Variants in KMT2C observed in about 807,000 individuals in gnomAD.
KMT2C encodes the protein histone-lysine N-methyltransferase 2C.
KMT2C carries 88 observed loss-of-function variants against 507.9 expected under a neutral mutation model. The observed-to-expected ratio is 0.17, with a 90% CI of 0.15 to 0.21. KMT2C has a LOEUF of 0.21. KMT2C is among the 10% of genes least tolerant of loss of function. The probability of loss-of-function intolerance (pLI) is 1.00; values close to 1 mark genes in which losing one functional copy is unlikely to be tolerated. For missense variants in KMT2C, 4,954 were observed against 5,957.8 expected (o/e 0.83, Z 5.55); for synonymous variants, 2,049 against 2,080.8 (o/e 0.98, Z 0.42).
chr7:152,332,863 C>CAA (rs2096896819), intron 2 of KMT2C, among the ~76,000 whole-genome samples: 1 of 148,244 alleles, frequency 6.7e-6, no homozygotes, highest in Admixed American at 6.7e-5. Flanking sequence ...CACACACACA[C>CAA]ACACACACAC....
chr7:152,138,857 G>C lies in KMT2C; in HGVS notation c.14582C>G (p.Thr4861Ser), dbSNP rs763370514. 1 of 1,613,286 alleles carries C rather than the reference G, an allele frequency of 6.2e-7. No homozygotes were observed. The highest frequency in any genetic ancestry group is 1.3e-5 in the African/African-American group (1 of 74,968). The change falls in exon 58 of 59, where the codon ACT (threonine) becomes AGT (serine). Residue 4861 changes from threonine to serine, a missense_variant. Coordinates refer to ENST00000262189, the MANE Select transcript of KMT2C (RefSeq NM_170606.3). The surrounding 1 kb of genome is among the most constrained non-coding windows in gnomAD (Gnocchi z 4.2). ...CAPNCVAEVVTFERGHKIIIS... is the reference protein window; with the variant it reads ...CAPNCVAEVVSFERGHKIIIS... ...GATAATTTTGTGTCCTCTCTCAAAA[G>C]TCACCACTTCAGCCACACAATTAGG...
At chr7:152,277,160 T>A (rs112161379) in intron 6 of KMT2C, among the ~76,000 whole-genome samples, 3 of 151,870 alleles carry the variant, frequency 2.0e-5, no homozygotes, top group Admixed American at 6.6e-5. Context: ...ATCCAGTATT[T>A]ATTCTGTACC....
chr7:152,324,770 G>A (rs1238636467), intron 3 of KMT2C, among the ~76,000 whole-genome samples: 1 of 151,962 alleles, frequency 6.6e-6, no homozygotes, highest in Non-Finnish European at 1.5e-5. Context: ...ACTGAAAGAT[G>A]CCTCACACAC....
intron 7 of KMT2C, among the ~76,000 whole-genome samples, chr7:152,272,548 A>G (rs1489383240): frequency 6.6e-6 from 1 of 152,198 alleles, no homozygotes; most frequent in Admixed American, 6.5e-5. Context: ...CAGTACATAA[A>G]TAGTAGCCGT....
chr7:152,327,681 G>A (rs911002404), intron 3 of KMT2C, among the ~76,000 whole-genome samples: 3 of 152,124 alleles, frequency 2.0e-5, no homozygotes, highest in African/African-American at 7.2e-5. Context: ...ATATTGGGCC[G>A]GGCGCGGTGA....
intron 3 of KMT2C, among the ~76,000 whole-genome samples, chr7:152,318,552 G>A (rs1327486192): frequency 6.8e-6 from 1 of 146,098 alleles, no homozygotes; most frequent in Non-Finnish European, 1.5e-5. Flanking sequence ...GTTTGAACCA[G>A]GGAGGTAGAG....
In KMT2C at chr7:152,251,097, TTC is replaced by T. The variant is rs1588595324; in HGVS notation, c.1622-133_1622-132del. The T allele has an allele frequency of 1.5e-5, 9 of 604,548 alleles. No homozygotes were observed. The Middle Eastern group carries it at 1.7e-3, about 116-fold the overall frequency. 37.4% of individuals were successfully genotyped at this position (604,548 alleles called of 1,614,324 possible). A position where few individuals can be genotyped will look rare whatever the true frequency, so the allele number is the denominator to read the frequency against. ...ATGCTTTAAGTTTTTCTTCAGATTT[TTC>T]TCTGTTGAACCACATGTATATTTAC... is the stretch of plus-strand genomic sequence containing the variant. On this transcript the variant is annotated intron_variant, in intron 11 of 58. Transcript: ENST00000262189.
intron 1 of KMT2C, among the ~76,000 whole-genome samples, chr7:152,381,849 T>A (rs2097377073): frequency 6.6e-6 from 1 of 152,248 alleles, no homozygotes. Flanking sequence ...ATTCTGCCAG[T>A]TCTTTCCAAG....
At chr7:152,401,120 C>G (rs899033665) in intron 1 of KMT2C, among the ~76,000 whole-genome samples, 31 of 144,744 alleles carry the variant, frequency 2.1e-4, no homozygotes, top group Non-Finnish European at 7.5e-5. Flanking sequence ...TTTTTTCACT[C>G]TGTCACCCAG....
At position 152,250,862 on chromosome 7, in the gene KMT2C, C is replaced by A. The variant is rs367686405; in HGVS notation, c.1726G>T (p.Val576Phe). 2.2e-5 allele frequency: 35 copies of A among 1,562,748 alleles called. No individual in the cohort carries two copies. The highest frequency in any genetic ancestry group is 2.9e-5 in the Non-Finnish European group (33 of 1,133,908). The change falls in exon 12 of 59, where the codon GTT becomes TTT. Residue 576 changes from valine (V) to phenylalanine (F), a missense_variant. Physicochemically the swap from Val to Phe is conservative, Grantham distance 50. Coordinates refer to ENST00000262189, the MANE Select transcript of KMT2C (RefSeq NM_170606.3). ...VNGQESTPGI[V>F]PDAVQVHTEE... ...CATTAAACATTCTTACCATCTGGAA[C>A]AATTCCAGGAGTGGACTCCTGACCG... is the stretch of plus-strand genomic sequence containing the variant.
At chr7:152,252,515 A>G (rs1421502239) in intron 10 of KMT2C, 31 bp downstream of exon 10, 23 of 1,581,734 alleles carry the variant, frequency 1.5e-5, no homozygotes, top group Non-Finnish European at 1.8e-5. Flanking sequence ...ACAATCGACA[A>G]AACAACTGAA....
chr7:152,265,812 A>G (rs1445533538), intron 7 of KMT2C, among the ~76,000 whole-genome samples: 1 of 152,062 alleles, frequency 6.6e-6, no homozygotes, highest in Non-Finnish European at 1.5e-5. Context: ...ATTACTTAAT[A>G]TACTAATTAT....
intron 6 of KMT2C, among the ~76,000 whole-genome samples, chr7:152,283,387 G>A (rs867695481): frequency 5.3e-5 from 8 of 152,100 alleles, no homozygotes; most frequent in African/African-American, 1.9e-4. Context: ...CACAGACACA[G>A]TAAGAATCAA....
At chr7:152,167,664 C>CT (rs917169860) in intron 41 of KMT2C, among the ~76,000 whole-genome samples, 13 of 151,390 alleles carry the variant, frequency 8.6e-5, no homozygotes, top group South Asian at 4.2e-4. Context: ...TAATGAAATT[C>CT]TTTTTTTTTA....
rs568794506 is a variant in KMT2C, at chr7:152,364,609, C to CAAAAAAAAAAAAAAA, written c.162-5935_162-5934insTTTTTTTTTTTTTTT. ...GGGTGACAGAGCGAGACTCCGTCTC[C>CAAAAAAAAAAAAAAA]AAAAAAAAAAAGAAAAGAAAAAAAG... On this transcript the variant is annotated intron_variant, in intron 1 of 58. Transcript: ENST00000262189. Among the ~76,000 whole-genome samples the CAAAAAAAAAAAAAAA allele has an allele frequency of 1.2e-3, 111 of 90,714 alleles. 2 individuals are homozygous for CAAAAAAAAAAAAAAA. The highest frequency in any genetic ancestry group is 5.3e-3 in the African/African-American group (108 of 20,470). 59.5% of individuals were successfully genotyped at this position (90,714 alleles called of 152,430 possible).
At chr7:152,313,648 C>G (rs954869086) in intron 4 of KMT2C, among the ~76,000 whole-genome samples, 1 of 151,958 alleles carries the variant, frequency 6.6e-6, no homozygotes, top group African/African-American at 2.4e-5. Context: ...GCTATTTAAA[C>G]TTCATTAGCA....
At position 152,263,172 on chromosome 7, in the gene KMT2C, T is replaced by A. The variant is rs755248913; in HGVS notation, c.1185-42A>T. The A allele has an allele frequency of 2.0e-6, 3 of 1,524,226 alleles. No individual in the cohort carries two copies. In the Admixed American group the frequency reaches 5.3e-5, roughly 27 times the overall value. The allele number at this position is 1,524,226 out of a possible 1,614,324, so 94.4% of individuals were successfully genotyped here. On this transcript the variant is annotated intron_variant, in intron 8 of 58. Transcript: ENST00000262189. ...CATTAATGATGCCTTATCTTTAAAC[T>A]TATGTTTTGTAACATAAGTAATCAT... is the stretch of plus-strand genomic sequence containing the variant.
chr7:152,185,478 T>C, intron 34 of KMT2C, 80 bp downstream of exon 34: 1 of 1,019,212 alleles, frequency 9.8e-7, no homozygotes, highest in Non-Finnish European at 1.5e-6. Context: ...AATGGAAATT[T>C]GTTTTTTATT....
chr7:152,148,904 C>A lies in KMT2C; in HGVS notation c.13023G>T (p.Gly4341=). The A allele has an allele frequency of 6.2e-7, 1 of 1,614,038 alleles. No individual in the cohort carries two copies. Among genetic ancestry groups the A allele is most frequent in the Non-Finnish European group, 8.5e-7 (1 of 1,179,962 alleles). Residue 4341 remains glycine (G), a synonymous_variant, in exon 52 of 59, where the codon GGG becomes GGT. Transcript: ENST00000262189. This position sits in a 1 kb window ranked among gnomAD's most constrained non-coding sequence, Gnocchi z 7.1. Reference sequence around the variant, plus strand: ...TATTGAGCGGCCTGCAATCTTCAAACCCACCATGGACAGCTCTTAGCCGAG... The same window carrying A: ...TATTGAGCGGCCTGCAATCTTCAAAACCACCATGGACAGCTCTTAGCCGAG... ...LKPRLRAVHG[G]FEDCRPLNKK...
Sources: gnomAD v4.1 joint callset for allele counts (sites outside exome capture counted in the v4.1 genomes callset) on GRCh38, gnomAD v4.1.1 for gene constraint, Gnocchi (gnomAD v3.1) non-coding constraint, MANE v1.5 for transcripts, NCBI Gene and HGNC (gene_info 2026-07-23, HGNC 2026-07-21) for gene names.